Variants in MAP3K15 observed in about 807,000 individuals in gnomAD.
The protein encoded by MAP3K15 is MAPK/ERK kinase kinase 15.
A neutral mutation model predicts 99.5 loss-of-function variants in MAP3K15; 124 were observed. The observed-to-expected ratio is 1.25, with a 90% CI of 1.08 to 1.45. The LOEUF is 1.45. Among genes scored for constraint, MAP3K15 ranks in the 40% most tolerant of loss-of-function variants. The pLI is 0.00. For missense variants in MAP3K15, 1,242 were observed against 1,079.7 expected, an observed-to-expected ratio of 1.15 and a Z score of -2.11; for synonymous variants, 494 against 439.6, an observed-to-expected ratio of 1.12 and a Z score of -1.55.
At chrX:19,374,114 GCCAGGCTCCAAAACTGAAGCC>G (rs1377656049) in intron 20 of MAP3K15, among the ~76,000 whole-genome samples, 3 of 111,130 alleles carry the variant, frequency 2.7e-5, no homozygotes, top group African/African-American at 9.8e-5. Context: ...ACGATGACAA[GCCAGGCTCCAAAACTGAAGCC>G]CCAGGCTCTG....
intron 1 of MAP3K15, among the ~76,000 whole-genome samples, chrX:19,494,560 A>C (rs1200527643): frequency 1.8e-5 from 2 of 111,552 alleles, no homozygotes; most frequent in Non-Finnish European, 3.8e-5. Context: ...GTAATACATA[A>C]AACTATAATT....
At chrX:19,412,290 G>A (rs1161621594) in intron 11 of MAP3K15, among the ~76,000 whole-genome samples, 2 of 112,130 alleles carry the variant, frequency 1.8e-5, no homozygotes, top group Non-Finnish European at 3.8e-5. Flanking sequence ...TAATCAACAG[G>A]CATTTGTTCA....
intron 16 of MAP3K15, among the ~76,000 whole-genome samples, chrX:19,393,401 C>T (rs976091192): frequency 2.7e-5 from 3 of 112,006 alleles, no homozygotes; most frequent in Non-Finnish European, 5.6e-5. Flanking sequence ...GAGGCCGAGG[C>T]GGGCAGATCA....
intron 6 of MAP3K15, among the ~76,000 whole-genome samples, chrX:19,455,963 A>T (rs1358914677): frequency 9.0e-6 from 1 of 110,931 alleles, no homozygotes; most frequent in Non-Finnish European, 1.9e-5. Context: ...AAGTTACAAG[A>T]CTTTATCAGG....
intron 6 of MAP3K15, among the ~76,000 whole-genome samples, chrX:19,444,537 A>C (rs2063981710): frequency 8.9e-6 from 1 of 112,051 alleles, no homozygotes; most frequent in African/African-American, 3.2e-5. Context: ...CTTTTGAATA[A>C]AGAAATATCT....
intron 6 of MAP3K15, among the ~76,000 whole-genome samples, chrX:19,436,347 G>A (rs1423873917): frequency 9.1e-6 from 1 of 109,962 alleles, no homozygotes; most frequent in Non-Finnish European, 1.9e-5. Context: ...TGACAACCGT[G>A]CACCCCTTCC....
At chrX:19,447,612 G>A (rs1170111264) in intron 6 of MAP3K15, among the ~76,000 whole-genome samples, 2 of 109,429 alleles carry the variant, frequency 1.8e-5, no homozygotes, top group Admixed American at 9.8e-5. Context: ...GGCCGGGCGC[G>A]GTGGCTCACG....
intron 9 of MAP3K15, among the ~76,000 whole-genome samples, chrX:19,424,209 C>T (rs1569220308): frequency 9.5e-6 from 1 of 104,860 alleles, no homozygotes; most frequent in Non-Finnish European, 1.9e-5. Flanking sequence ...CACACACACA[C>T]ATATATACAC....
At chrX:19,470,111 T>C (rs1423098051) in intron 3 of MAP3K15, among the ~76,000 whole-genome samples, 3 of 112,014 alleles carry the variant, frequency 2.7e-5, no homozygotes, top group Admixed American at 9.5e-5. Flanking sequence ...TGTATGTTTA[T>C]TGCGGCACTA....
chrX:19,493,978 T>A (rs897592466), intron 1 of MAP3K15, among the ~76,000 whole-genome samples: 1 of 110,503 alleles, frequency 9.0e-6, no homozygotes, highest in Non-Finnish European at 1.9e-5. Context: ...AGATCACAGA[T>A]AAAAAGGAAG....
intron 25 of MAP3K15, 76 bp from the exon 26 acceptor site, chrX:19,362,926 T>A: frequency 1.8e-6 from 1 of 564,305 alleles, no homozygotes; most frequent in Non-Finnish European, 2.9e-6. Context: ...AAGCATCTGT[T>A]GTGCATACAT....
intron 6 of MAP3K15, among the ~76,000 whole-genome samples, chrX:19,452,085 G>A (rs1299296262): frequency 0.29 from 2 of 7 alleles, no homozygotes; most frequent in East Asian, 1. Context: ...GAAGAGAAGA[G>A]AAGAGAAGAG....
chrX:19,448,066 G>C (rs1324184005), intron 6 of MAP3K15, among the ~76,000 whole-genome samples: 1 of 107,035 alleles, frequency 9.3e-6, no homozygotes, highest in Admixed American at 1.0e-4. Flanking sequence ...TTCCTAAGTG[G>C]AACTGTGGCT....
At chrX:19,468,224 A>G (rs1262191879) in intron 3 of MAP3K15, among the ~76,000 whole-genome samples, 1 of 112,261 alleles carries the variant, frequency 8.9e-6, no homozygotes. Context: ...TGTGATAGGA[A>G]TATGTAAAGG....
At chrX:19,405,559 G>A (rs2063642203) in intron 13 of MAP3K15, among the ~76,000 whole-genome samples, 1 of 112,131 alleles carries the variant, frequency 8.9e-6, no homozygotes, top group Non-Finnish European at 1.9e-5. Flanking sequence ...TGGACCAGAG[G>A]AAAAACCTTT....
Position 19,448,014 on chromosome X carries a change from G to A in MAP3K15, c.995+8899C>T, listed in dbSNP as rs769888556. ...ACGCATGTGAAGTCTCTCAACACCC[G>A]CTCTAAGGTGTAGGAGGCTGAATCT... On this transcript the variant is annotated intron_variant, in intron 6 of 28. Transcript: ENST00000338883. 1.1e-3 allele frequency among the ~76,000 whole-genome samples: 121 copies of A among 106,066 alleles called. 3 individuals are homozygous for A. The highest frequency in any genetic ancestry group is 3.1e-3 in the African/African-American group (93 of 29,808). 92.1% of individuals were successfully genotyped at this position (106,066 alleles called of 115,157 possible). A position where few individuals can be genotyped will look rare whatever the true frequency, so the allele number is the denominator to read the frequency against.
At chrX:19,392,234 T>C (rs888345289) in intron 17 of MAP3K15, 109 bp downstream of exon 17, 8 of 1,049,705 alleles carry the variant, frequency 7.6e-6, no homozygotes, top group Non-Finnish European at 1.0e-5. Flanking sequence ...TGGGGACGGT[T>C]GTGCTAAATC....
chrX:19,494,101 T>G (rs1018515895), intron 1 of MAP3K15, among the ~76,000 whole-genome samples: 1 of 110,858 alleles, frequency 9.0e-6, no homozygotes, highest in African/African-American at 3.3e-5. Flanking sequence ...ACATATCATA[T>G]AAACCATCTT....
chrX:19,438,457 A>G (rs1002735582), intron 6 of MAP3K15, among the ~76,000 whole-genome samples: 4 of 112,014 alleles, frequency 3.6e-5, no homozygotes, highest in Non-Finnish European at 7.5e-5. Flanking sequence ...ATTGGGAATC[A>G]TATAGAGCTA....
Sources: gnomAD v4.1 joint callset for allele counts (sites outside exome capture counted in the v4.1 genomes callset) on GRCh38, gnomAD v4.1.1 for gene constraint, MANE v1.5 for transcripts, NCBI Gene and HGNC (gene_info 2026-07-23, HGNC 2026-07-21) for gene names.